LIN52: variants seen among roughly 807,000 people sequenced by gnomAD.
LIN52 encodes the protein protein lin-52 homolog.
A neutral mutation model predicts 18.5 loss-of-function variants in LIN52; 4 were observed. The observed-to-expected ratio is 0.22, with a 90% confidence interval of 0.11 to 0.49. The LOEUF is 0.49. Ranked by LOEUF, LIN52 falls within the 20% of genes least tolerant of loss-of-function variation. The pLI, the probability that LIN52 is intolerant of heterozygous loss-of-function variation, is 0.97. For synonymous variants in LIN52, 34 were observed against 45.5 expected, an observed-to-expected ratio of 0.75 and a Z score of 1.02; for missense variants, 102 against 139.5, an observed-to-expected ratio of 0.73 and a Z score of 1.35.
At chr14:74,189,322 T>C (rs754912585) in intron 5 of LIN52, among the ~76,000 whole-genome samples, 1 of 152,210 alleles carries the variant, frequency 6.6e-6, no homozygotes, top group Non-Finnish European at 1.5e-5. Context: ...TGCACAAATT[T>C]ATGAGTATTT....
intron 5 of LIN52, among the ~76,000 whole-genome samples, chr14:74,123,805 C>G (rs936143905): frequency 6.6e-6 from 1 of 152,264 alleles, no homozygotes; most frequent in East Asian, 1.9e-4. Context: ...CCCTTCATCC[C>G]CCAGAGAAGC....
intron 1 of LIN52, among the ~76,000 whole-genome samples, chr14:74,087,371 A>G (rs8019433): frequency 0.22 from 32,564 of 146,390 alleles, 3,875 homozygotes; most frequent in South Asian, 0.46. Context: ...AGCCGAGATC[A>G]CGCCACTGCA....
chr14:74,088,193 T>C (rs778161268), intron 1 of LIN52, among the ~76,000 whole-genome samples: 5 of 152,064 alleles, frequency 3.3e-5, no homozygotes, highest in African/African-American at 7.2e-5. Context: ...TGGGTTCAAG[T>C]AATTCTCATG....
At chr14:74,117,486 G>A (rs934897954) in intron 5 of LIN52, among the ~76,000 whole-genome samples, 22 of 151,058 alleles carry the variant, frequency 1.5e-4, no homozygotes, top group African/African-American at 5.4e-4. Flanking sequence ...TTTTTTGGCG[G>A]GGGGGCTTTG....
At position 74,134,214 on chromosome 14, in the gene LIN52, C is replaced by T. The variant is rs538706052; in HGVS notation, c.283+32976C>T. 5.3e-5 allele frequency among the ~76,000 whole-genome samples: 8 copies of T among 152,292 alleles called. No homozygotes were observed. In the East Asian group the frequency reaches 1.5e-3, roughly 29 times the overall value. On this transcript the variant is annotated intron_variant, in intron 5 of 5. Transcript: ENST00000555028. ...GGAGTGGAGAGAGAGTGTGGATTTA[C>T]AGCAGAGATAAACATGTCCATAAAG...
chr14:74,169,063 A>G (rs1237238664), intron 5 of LIN52, among the ~76,000 whole-genome samples: 1 of 152,250 alleles, frequency 6.6e-6, no homozygotes, highest in African/African-American at 2.4e-5. Flanking sequence ...TCAAAATAAA[A>G]AAGAATTTCC....
chr14:74,123,434 GGAA>G (rs1325846448), intron 5 of LIN52, among the ~76,000 whole-genome samples: 4 of 152,260 alleles, frequency 2.6e-5, no homozygotes, highest in African/African-American at 9.6e-5. Context: ...GGTGTATATA[GGAA>G]GAAGAAGACC....
At chr14:74,096,640 CTGAAATAATGT>C (rs1349313182) in intron 3 of LIN52, among the ~76,000 whole-genome samples, 1 of 151,920 alleles carries the variant, frequency 6.6e-6, no homozygotes, top group Non-Finnish European at 1.5e-5. Context: ...AGACGCAAAG[CTGAAATAATGT>C]TTCTCAACCC....
chr14:74,106,520 C>T (rs2139893263), intron 5 of LIN52, among the ~76,000 whole-genome samples: 1 of 152,320 alleles, frequency 6.6e-6, no homozygotes, highest in African/African-American at 2.4e-5. Flanking sequence ...AGTCCTCCCT[C>T]CTTGGCCTCC....
At position 74,200,962 on chromosome 14, in the gene LIN52, T is replaced by C. The variant is rs2078945797; in HGVS notation, c.*1985T>C. 1 of 152,264 alleles carries C rather than the reference T, an allele frequency of 6.6e-6. No homozygotes were observed. Among genetic ancestry groups the C allele is most frequent in the Admixed American group, 6.5e-5 (1 of 15,290 alleles). The allele number at this position is 152,264 out of a possible 1,614,324, so 9.4% of individuals were successfully genotyped here. ...CCTCCCCCAAACCAACTCAAGTCTG[T>C]AACTGGAAGCCAGGTGGTTGGTTTT... On this transcript the variant is annotated 3_prime_UTR_variant, in exon 6 of 6. Transcript: ENST00000555028.
rs925658547 is a variant in LIN52 at position 74,199,262 on chromosome 14, C to T, written c.*285C>T. ...CTGAGGGCATATCATTCTTAAAGGT[C>T]GAAGTCCTGCTTTCTCATTTCTGGA... On this transcript the variant is annotated 3_prime_UTR_variant, in exon 6 of 6. Coordinates refer to ENST00000555028, the MANE Select transcript of LIN52 (RefSeq NM_001024674.3). 2.1e-5 allele frequency: 6 copies of T among 288,618 alleles called. No homozygotes were observed. Among genetic ancestry groups the T allele is most frequent in the Admixed American group, 2.0e-4 (4 of 19,576 alleles). The allele number at this position is 288,618 out of a possible 1,614,324, so 17.9% of individuals were successfully genotyped here.
chr14:74,114,953 CTT>C (rs1167381496), intron 5 of LIN52, among the ~76,000 whole-genome samples: 2 of 152,152 alleles, frequency 1.3e-5, no homozygotes, highest in African/African-American at 4.8e-5. Flanking sequence ...TACCTATGAA[CTT>C]TTCCTGAACT....
At chr14:74,197,809 A>G (rs533322557) in intron 5 of LIN52, among the ~76,000 whole-genome samples, 1 of 152,308 alleles carries the variant, frequency 6.6e-6, no homozygotes, top group East Asian at 1.9e-4. Context: ...AAAACAAGAA[A>G]CTGTTAAACT....
At chr14:74,085,180 CCA>C in intron 1 of LIN52, 187 bp downstream of exon 1, 1 of 442,472 alleles carries the variant, frequency 2.3e-6, no homozygotes, top group Non-Finnish European at 3.8e-6. Flanking sequence ...CCGGAGGTGC[CCA>C]GTTTCCCCGC....
At chr14:74,165,513 C>CTTGTTTTTTTTT (rs2061244812) in intron 5 of LIN52, among the ~76,000 whole-genome samples, 1 of 110,262 alleles carries the variant, frequency 9.1e-6, no homozygotes, top group Non-Finnish European at 1.8e-5. Context: ...GTTTTCTTTT[C>CTTGTTTTTTTTT]TTTTTTTTTT....
At chr14:74,100,886 G>A (rs528241467) in intron 4 of LIN52, among the ~76,000 whole-genome samples, 1 of 152,266 alleles carries the variant, frequency 6.6e-6, no homozygotes, top group East Asian at 1.9e-4. Context: ...TGGGACTGAA[G>A]GCATGTGCTA....
intron 5 of LIN52, among the ~76,000 whole-genome samples, chr14:74,177,004 T>G (rs1220351423): frequency 6.7e-6 from 1 of 149,540 alleles, no homozygotes; most frequent in Non-Finnish European, 1.5e-5. Context: ...TGTTTCCACT[T>G]TTTTTTTTTT....
intron 5 of LIN52, among the ~76,000 whole-genome samples, chr14:74,127,315 G>A (rs780492625): frequency 6.6e-5 from 10 of 152,160 alleles, no homozygotes; most frequent in South Asian, 2.1e-4. Context: ...AAGATATTTC[G>A]GTATGAAGAA....
intron 5 of LIN52, among the ~76,000 whole-genome samples, chr14:74,190,446 C>T (rs948200824): frequency 9.1e-5 from 12 of 132,512 alleles, no homozygotes; most frequent in African/African-American, 3.3e-4. Flanking sequence ...GGCTTGAGTA[C>T]ACTGGTGCGA....
Sources: allele counts gnomAD v4.1 joint callset (sites outside exome capture counted in the v4.1 genomes callset), GRCh38; gene constraint gnomAD v4.1.1; transcripts MANE v1.5; gene names NCBI Gene and HGNC (gene_info 2026-07-23, HGNC 2026-07-21).